The following BCL6 variants were observed in gnomAD, a reference collection of about 807,000 sequenced individuals.
BCL6 encodes the protein BCL6 transcription repressor, also known as B-cell lymphoma 6 protein.
In BCL6, 7 loss-of-function variants were observed where a neutral mutation model predicts 59.5. The ratio of observed to expected loss-of-function variants is 0.12; its 90% CI spans 0.07 to 0.22. The LOEUF is 0.22. BCL6 is among the 10% of genes least tolerant of loss of function. The probability of loss-of-function intolerance (pLI) is 1.00; values close to 1 mark genes in which losing one functional copy is unlikely to be tolerated. For synonymous variants in BCL6, 339 were observed against 349.7 expected (o/e 0.97, Z 0.34); for missense variants, 685 against 939.4 (o/e 0.73, Z 3.54).
chr3:187,744,971 A>T (rs544204416), intron 1 of BCL6, among the ~76,000 whole-genome samples: 3 of 151,904 alleles, frequency 2.0e-5, no homozygotes, highest in Admixed American at 6.6e-5. Context: ...ACTAGCCCGA[A>T]TCACCCCCCA....
At chr3:187,722,646 G>T in intron 9 of BCL6, 45 bp from the exon 10 acceptor site, 1 of 1,592,570 alleles carries the variant, frequency 6.3e-7, no homozygotes, top group South Asian at 1.1e-5. Flanking sequence ...ATCAACCCAA[G>T]AAAGATGTCA....
intron 1 of BCL6, among the ~76,000 whole-genome samples, chr3:187,741,975 C>T (rs1711613687): frequency 6.6e-6 from 1 of 151,258 alleles, no homozygotes; most frequent in Non-Finnish European, 1.5e-5. Context: ...CACCCTCCCC[C>T]CACCAAAAAA....
At chr3:187,744,165 A>T (rs1711754544) in intron 1 of BCL6, among the ~76,000 whole-genome samples, 1 of 152,200 alleles carries the variant, frequency 6.6e-6, no homozygotes, top group African/African-American at 2.4e-5. Context: ...GGCAACAGCC[A>T]TTGGGAGCCA....
chr3:187,735,854 A>G (rs1311457112), intron 1 of BCL6, among the ~76,000 whole-genome samples: 1 of 152,044 alleles, frequency 6.6e-6, no homozygotes, highest in Non-Finnish European at 1.5e-5. Context: ...AAAAAAGCAG[A>G]ACCTTTTAGA....
chr3:187,725,138 C>A lies in BCL6; in HGVS notation c.1840-60G>T. ...GGTGGGCTGCAGGCCTCTGGGCAGC[C>A]CCTCATTAGCACACAGCCAGTGAGT... is the stretch of plus-strand genomic sequence containing the variant. On this transcript the variant is annotated intron_variant, in intron 8 of 9. Coordinates refer to ENST00000406870, the MANE Select transcript of BCL6 (RefSeq NM_001706.5). The surrounding 1 kb of genome is among the most constrained non-coding windows in gnomAD (Gnocchi z 4.7). 2 of 1,605,738 alleles carry A rather than the reference C, an allele frequency of 1.2e-6. No individual in the cohort carries two copies. Among genetic ancestry groups the A allele is most frequent in the South Asian group, 2.2e-5 (2 of 90,538 alleles).
At position 187,729,004 on chromosome 3, in the gene BCL6, G is replaced by C. The variant is rs746700750; in HGVS notation, c.1355+46C>G. ...AAAAGAAGAAACGACATGGAACCCTGCCCAGGTAACCCCTGACCTCAGACC... is the reference window on the plus strand; with the variant it reads ...AAAAGAAGAAACGACATGGAACCCTCCCCAGGTAACCCCTGACCTCAGACC... On this transcript the variant is annotated intron_variant, in intron 5 of 9. Coordinates refer to ENST00000406870, the MANE Select transcript of BCL6 (RefSeq NM_001706.5). This position sits in a 1 kb window ranked among gnomAD's most constrained non-coding sequence, Gnocchi z 5.6. The C allele has an allele frequency of 1.3e-6, 2 of 1,507,564 alleles. No homozygotes were observed. The highest frequency in any genetic ancestry group is 2.8e-5 in the South Asian group (2 of 72,108). The allele number at this position is 1,507,564 out of a possible 1,614,324, so 93.4% of individuals were successfully genotyped here.
At chr3:187,735,285 T>A (rs1719235481) in intron 1 of BCL6, among the ~76,000 whole-genome samples, 1 of 152,224 alleles carries the variant, frequency 6.6e-6, no homozygotes, top group South Asian at 2.1e-4. Context: ...TAACGATTCG[T>A]CCGTGGCCTA....
At chr3:187,744,796 G>C (rs1711822101) in intron 1 of BCL6, among the ~76,000 whole-genome samples, 1 of 146,862 alleles carries the variant, frequency 6.8e-6, no homozygotes, top group Admixed American at 7.1e-5. Context: ...GGGAAGCGGA[G>C]GCCAGGAGCG....
At chr3:187,744,751 G>C (rs1157394646) in intron 1 of BCL6, among the ~76,000 whole-genome samples, 1 of 152,212 alleles carries the variant, frequency 6.6e-6, no homozygotes, top group African/African-American at 2.4e-5. Context: ...GACAGGGGAA[G>C]GGAAGGAAGA....
chr3:187,722,305 CCCCGA>C lies in BCL6; in HGVS notation c.*148_*152del. The stretch of plus-strand genomic sequence containing the variant: ...CTGCTGCGGCTCCCAGTCCCCCAGG[CCCCGA>C]CCCCCACCACCCCCAACCCCCAGCT... On this transcript the variant is annotated 3_prime_UTR_variant, in exon 10 of 10. Coordinates refer to ENST00000406870, the MANE Select transcript of BCL6 (RefSeq NM_001706.5). 4.7e-5 allele frequency: 8 copies of C among 171,576 alleles called. No homozygotes were observed. The highest frequency in any genetic ancestry group is 1.2e-4 in the East Asian group (1 of 8,410). 10.6% of individuals were successfully genotyped at this position (171,576 alleles called of 1,614,324 possible).
Position 187,744,276 on chromosome 3 carries a change from C to A in BCL6, c.-50+1134G>T, listed in dbSNP as rs566568859. ...GCTGTCCTGTCGAGGTTCCCTGAGT[C>A]CCCCCGCACACTGAAAGGCATCGCA... On this transcript the variant is annotated intron_variant, in intron 1 of 9. Transcript: ENST00000406870. 3.7e-4 allele frequency among the ~76,000 whole-genome samples: 57 copies of A among 152,226 alleles called. No homozygotes were observed. In the East Asian group the frequency reaches 8.9e-3, roughly 24 times the overall value.
intron 4 of BCL6, 137 bp from the exon 5 acceptor site, chr3:187,730,158 C>A: frequency 1.6e-6 from 2 of 1,236,510 alleles, no homozygotes; most frequent in East Asian, 2.6e-5. Context: ...GAGCAGGGAA[C>A]CACAATTACA....
At chr3:187,745,226 A>T (rs574643094) in intron 1 of BCL6, among the ~76,000 whole-genome samples, 184 bp downstream of exon 1, 6 of 152,292 alleles carry the variant, frequency 3.9e-5, no homozygotes, top group Middle Eastern at 6.8e-3. Flanking sequence ...AAATAAATAT[A>T]TACATTTATA....
At chr3:187,745,260 T>C (rs1576886699) in intron 1 of BCL6, 150 bp downstream of exon 1, 3 of 397,744 alleles carry the variant, frequency 7.5e-6, no homozygotes, top group Admixed American at 4.4e-5. Flanking sequence ...ATAGAAAACT[T>C]GGAGCCAAAG....
chr3:187,726,149 G>C (rs1192768534), intron 7 of BCL6, among the ~76,000 whole-genome samples: 1 of 152,104 alleles, frequency 6.6e-6, no homozygotes, highest in Non-Finnish European at 1.5e-5. Context: ...AGAACAAACA[G>C]ATTTTTCCGC....
At chr3:187,739,091 T>A (rs1268253071) in intron 1 of BCL6, among the ~76,000 whole-genome samples, 1 of 152,136 alleles carries the variant, frequency 6.6e-6, no homozygotes, top group Admixed American at 6.5e-5. Context: ...CCTCCCGATT[T>A]GGAGAATGCC....
At chr3:187,744,097 T>C (rs553187400) in intron 1 of BCL6, among the ~76,000 whole-genome samples, 2 of 152,202 alleles carry the variant, frequency 1.3e-5, no homozygotes, top group East Asian at 1.9e-4. Context: ...AGGCCCGCAG[T>C]TCCCTTTTTA....
chr3:187,739,775 G>A, intron 1 of BCL6, among the ~76,000 whole-genome samples: 1 of 152,132 alleles, frequency 6.6e-6, no homozygotes, highest in Admixed American at 6.5e-5. Context: ...GGCTGGACTG[G>A]GCTCAGCCTT....
chr3:187,735,837 TAA>T (rs1345626135), intron 1 of BCL6, among the ~76,000 whole-genome samples: 1 of 144,302 alleles, frequency 6.9e-6, no homozygotes, highest in Admixed American at 6.9e-5. Context: ...TTCCCCCCTT[TAA>T]AAAAAAAAAA....
Sources: allele counts gnomAD v4.1 joint callset (sites outside exome capture counted in the v4.1 genomes callset), GRCh38; gene constraint gnomAD v4.1.1; non-coding constraint Gnocchi (gnomAD v3.1); transcripts MANE v1.5; gene names NCBI Gene and HGNC (gene_info 2026-07-23, HGNC 2026-07-21).